The following DPP10 variants were observed in gnomAD, a reference collection of about 807,000 sequenced individuals.
DPP10 encodes the protein inactive dipeptidyl peptidase 10.
Under a neutral mutation model 120.9 loss-of-function variants are expected in DPP10, and 33 were observed. The observed-to-expected ratio is 0.27, with a 90% CI of 0.21 to 0.37. DPP10 has a LOEUF of 0.37. Ranked by LOEUF, DPP10 falls within the 10% of genes least tolerant of loss-of-function variation. The probability of loss-of-function intolerance (pLI) is 1.00; values close to 1 mark genes in which losing one functional copy is unlikely to be tolerated. For synonymous variants in DPP10, 337 were observed against 326.1 expected, an observed-to-expected ratio of 1.03 and a Z score of -0.36; for missense variants, 816 against 942.8, an observed-to-expected ratio of 0.87 and a Z score of 1.76.
At chr2:115,802,625 A>G (rs1165948772) in intron 19 of DPP10, among the ~76,000 whole-genome samples, 2 of 151,914 alleles carry the variant, frequency 1.3e-5, no homozygotes, top group Non-Finnish European at 2.9e-5. Flanking sequence ...ATTCTGGTAT[A>G]TTGTGTCTTT....
At chr2:115,462,792 C>T (rs1056808703) in intron 3 of DPP10, among the ~76,000 whole-genome samples, 10 of 152,110 alleles carry the variant, frequency 6.6e-5, no homozygotes, top group Admixed American at 2.0e-4. Context: ...TGCAGTGGCA[C>T]GATCTCAGCT....
chr2:115,445,956 G>A (rs541324634), intron 3 of DPP10, among the ~76,000 whole-genome samples: 23 of 151,380 alleles, frequency 1.5e-4, no homozygotes, highest in African/African-American at 5.1e-4. Flanking sequence ...GGTGTCCTGC[G>A]GCCCAGCTGC....
intron 1 of DPP10, among the ~76,000 whole-genome samples, chr2:114,862,671 G>A (rs1689905732): frequency 6.6e-6 from 1 of 152,146 alleles, no homozygotes; most frequent in Admixed American, 6.5e-5. Flanking sequence ...AGAAATAAAT[G>A]TGAAAGCTAT....
intron 11 of DPP10, among the ~76,000 whole-genome samples, chr2:115,756,417 A>G (rs973955495): frequency 2.0e-5 from 3 of 152,162 alleles, no homozygotes; most frequent in East Asian, 1.9e-4. Context: ...CACATTTTTT[A>G]CATGTATCAA....
intron 1 of DPP10, among the ~76,000 whole-genome samples, chr2:115,220,249 GT>G (rs1424977332): frequency 2.0e-5 from 3 of 152,090 alleles, no homozygotes; most frequent in African/African-American, 7.2e-5. Context: ...TACACTCATT[GT>G]TGGTAGCTAT....
intron 1 of DPP10, among the ~76,000 whole-genome samples, chr2:114,987,201 T>C (rs1700457942): frequency 6.6e-6 from 1 of 152,176 alleles, no homozygotes; most frequent in Middle Eastern, 3.2e-3. Flanking sequence ...ATCAGTAAAG[T>C]GGCTAGAAAA....
intron 3 of DPP10, among the ~76,000 whole-genome samples, chr2:115,400,610 C>A (rs1212173932): frequency 6.6e-6 from 1 of 152,098 alleles, no homozygotes; most frequent in Non-Finnish European, 1.5e-5. Context: ...TCAGATAAAC[C>A]CACTGTAGAG....
At chr2:114,996,301 C>A (rs1177681522) in intron 1 of DPP10, among the ~76,000 whole-genome samples, 20 of 152,134 alleles carry the variant, frequency 1.3e-4, no homozygotes, top group Non-Finnish European at 8.8e-5. Context: ...AAATCACGTT[C>A]TACTTTCTCT....
At chr2:114,929,632 G>T (rs971798768) in intron 1 of DPP10, among the ~76,000 whole-genome samples, 1 of 152,142 alleles carries the variant, frequency 6.6e-6, no homozygotes. Flanking sequence ...CCTGAAAATC[G>T]CTGTTATCCT....
chr2:114,678,577 G>A (rs1225606179), intron 1 of DPP10, among the ~76,000 whole-genome samples: 1 of 151,832 alleles, frequency 6.6e-6, no homozygotes. Flanking sequence ...CCTATACTGT[G>A]ATTATTTATT....
rs556039416 is a variant in DPP10, at chr2:115,452,056, G to A, written c.272-47454G>A. ...GGAGACTTTAAATAAGTATCTTAAG[G>A]TCACATAGTATGTTAGTAGCAGAGC... On this transcript the variant is annotated intron_variant, in intron 3 of 25. Coordinates refer to ENST00000410059, the MANE Select transcript of DPP10 (RefSeq NM_020868.6). Among the ~76,000 whole-genome samples the A allele has an allele frequency of 7.4e-4, 112 of 151,926 alleles. No individual in the cohort carries two copies. The Middle Eastern group carries it at 0.01, about 14-fold the overall frequency.
At position 115,431,445 on chromosome 2, in the gene DPP10, G is replaced by A. The variant is rs542567366; in HGVS notation, c.272-68065G>A. 2.4e-4 allele frequency among the ~76,000 whole-genome samples: 37 copies of A among 152,250 alleles called. 1 individual carries two copies. The South Asian group carries it at 7.7e-3, about 32-fold the overall frequency. ...CATATTACTAGGTCAGGATGCAGAT[G>A]AGGGAAAAAATAAACATGGACTGCA... On this transcript the variant is annotated intron_variant, in intron 3 of 25. Coordinates refer to ENST00000410059, the MANE Select transcript of DPP10 (RefSeq NM_020868.6).
intron 3 of DPP10, among the ~76,000 whole-genome samples, chr2:115,383,022 C>T (rs1306893920): frequency 6.6e-6 from 1 of 152,184 alleles, no homozygotes; most frequent in Non-Finnish European, 1.5e-5. Context: ...TTCAATTTCT[C>T]ATTATCTTCA....
intron 3 of DPP10, among the ~76,000 whole-genome samples, chr2:115,476,051 A>G (rs1051868900): frequency 1.4e-4 from 22 of 152,098 alleles, no homozygotes; most frequent in African/African-American, 4.6e-4. Context: ...TCTTGAGAAG[A>G]TATGATTGTA....
intron 3 of DPP10, among the ~76,000 whole-genome samples, chr2:115,485,212 T>A (rs1178614720): frequency 6.7e-6 from 1 of 148,584 alleles, no homozygotes; most frequent in Non-Finnish European, 1.5e-5. Flanking sequence ...TCATCTGAAT[T>A]TTTCTCATAA....
intron 1 of DPP10, among the ~76,000 whole-genome samples, chr2:114,849,913 T>TTTTTC (rs988682055): frequency 4.6e-5 from 7 of 151,756 alleles, no homozygotes; most frequent in Admixed American, 6.6e-5. Flanking sequence ...TTATCCCAAT[T>TTTTTC]TTTTCTTTTC....
rs142495568 is a variant in DPP10, at chr2:114,447,708, T to A, written c.60+4870T>A. ...TAAAGAAAGAGTTACCACTGGTAAC[T>A]CTACAGCAACTGATTTCACCAGTGA... On this transcript the variant is annotated intron_variant, in intron 1 of 25. Coordinates refer to ENST00000410059, the MANE Select transcript of DPP10 (RefSeq NM_020868.6). Among the ~76,000 whole-genome samples, 555 of 152,198 alleles carry A rather than the reference T, an allele frequency of 3.6e-3. 4 individuals carry two copies. Among genetic ancestry groups the A allele is most frequent in the African/African-American group, 0.012 (518 of 41,516 alleles).
chr2:115,111,088 T>A (rs2049191977), intron 1 of DPP10, among the ~76,000 whole-genome samples: 1 of 152,176 alleles, frequency 6.6e-6, no homozygotes, highest in African/African-American at 2.4e-5. Context: ...CCTATGGCAC[T>A]AAAGTTCTAA....
At chr2:114,899,839 G>A (rs1047570309) in intron 1 of DPP10, among the ~76,000 whole-genome samples, 6 of 152,100 alleles carry the variant, frequency 3.9e-5, no homozygotes, top group Admixed American at 6.5e-5. Context: ...GGGTGCCTGT[G>A]GTCCCAGCTA....
Sources: allele counts gnomAD v4.1 joint callset (sites outside exome capture counted in the v4.1 genomes callset), GRCh38; gene constraint gnomAD v4.1.1; transcripts MANE v1.5; gene names NCBI Gene and HGNC (gene_info 2026-07-23, HGNC 2026-07-21).